ATP10B: variants seen among roughly 807,000 people sequenced by gnomAD.
ATP10B encodes phospholipid-transporting ATPase VB.
ATP10B carries 122 observed loss-of-function variants against 141.2 expected under a neutral mutation model. The observed-to-expected ratio is 0.86, with a 90% CI of 0.75 to 1.00. The LOEUF (loss-of-function observed/expected upper bound fraction) is 1.00. Among genes scored for constraint, ATP10B ranks in the 50% least tolerant of loss-of-function variants. The pLI is 0.00. For synonymous variants in ATP10B, 685 were observed against 692.0 expected (o/e 0.99, Z 0.16); for missense variants, 1,876 against 1,825.3 (o/e 1.03, Z -0.51).
chr5:160,829,477 G>T (rs1427894554), intron 1 of ATP10B, among the ~76,000 whole-genome samples: 1 of 151,946 alleles, frequency 6.6e-6, no homozygotes, highest in South Asian at 2.1e-4. Context: ...GTTTAGAATC[G>T]TTTTTTCCTA....
chr5:160,902,762 T>A, the ATP10B span, among the ~76,000 whole-genome samples: 1 of 152,212 alleles, frequency 6.6e-6, no homozygotes, highest in African/African-American at 2.4e-5. Context: ...ACATATTAGG[T>A]GCTTAACAAG....
intron 3 of ATP10B, among the ~76,000 whole-genome samples, chr5:160,695,162 G>A (rs1764288768): frequency 6.6e-6 from 1 of 152,174 alleles, no homozygotes; most frequent in Non-Finnish European, 1.5e-5. Flanking sequence ...AAAGGCAGGG[G>A]CAACTTCCTT....
intron 8 of ATP10B, among the ~76,000 whole-genome samples, chr5:160,648,192 A>G (rs559350991): frequency 6.6e-6 from 1 of 152,218 alleles, no homozygotes; most frequent in Non-Finnish European, 1.5e-5. Flanking sequence ...TACACATGAC[A>G]ATGTTCTCTA....
chr5:160,630,961 T>C (rs534615612), intron 13 of ATP10B, among the ~76,000 whole-genome samples: 12 of 152,192 alleles, frequency 7.9e-5, no homozygotes, highest in Non-Finnish European at 1.6e-4. Flanking sequence ...AGTAGCAATA[T>C]GGAAAATGTT....
intron 1 of ATP10B, among the ~76,000 whole-genome samples, chr5:160,814,750 C>A (rs1485051476): frequency 6.6e-6 from 1 of 152,072 alleles, no homozygotes; most frequent in Non-Finnish European, 1.5e-5. Flanking sequence ...GTCAGGTTAC[C>A]CATAAAGGAA....
At chr5:160,664,358 A>C (rs1762183016) in intron 7 of ATP10B, among the ~76,000 whole-genome samples, 1 of 152,198 alleles carries the variant, frequency 6.6e-6, no homozygotes, top group South Asian at 2.1e-4. Flanking sequence ...ATGCTCCTCT[A>C]AGTACCTTAA....
intron 6 of ATP10B, chr5:160,685,225 G>T: frequency 1.8e-6 from 1 of 570,824 alleles, no homozygotes; most frequent in South Asian, 2.3e-5. Context: ...TTTCATCTCT[G>T]CTCAATGTTG....
At chr5:160,638,151 T>A (rs2127671561) in intron 10 of ATP10B, among the ~76,000 whole-genome samples, 1 of 152,268 alleles carries the variant, frequency 6.6e-6, no homozygotes, top group South Asian at 2.1e-4. Context: ...ATTTGAGAGC[T>A]TTCATCTTCT....
upstream of ATP10B, among the ~76,000 whole-genome samples, chr5:160,856,914 A>G (rs1754013447): frequency 6.6e-6 from 1 of 151,840 alleles, no homozygotes; most frequent in East Asian, 1.9e-4. Context: ...TACCTGAAAT[A>G]GACTCCATTT....
the ATP10B span, among the ~76,000 whole-genome samples, chr5:160,919,234 A>AAAAAAAAAAAAAC: frequency 7.0e-6 from 1 of 143,718 alleles, no homozygotes; most frequent in Non-Finnish European, 1.5e-5. Flanking sequence ...AAAAAAAAAA[A>AAAAAAAAAAAAAC]AAAAAAAAAA....
At chr5:160,912,686 G>A in the ATP10B span, among the ~76,000 whole-genome samples, 37 of 147,862 alleles carry the variant, frequency 2.5e-4, no homozygotes, top group Admixed American at 4.1e-4. Context: ...AAGAAAAGGA[G>A]AAAAAAGAAA....
intron 2 of ATP10B, among the ~76,000 whole-genome samples, chr5:160,757,811 A>G (rs111910109): frequency 6.6e-6 from 1 of 152,292 alleles, no homozygotes; most frequent in African/African-American, 2.4e-5. Flanking sequence ...GGATTTCCCA[A>G]TCTTAGAACT....
At chr5:160,572,832 G>A (rs1474292706) in intron 24 of ATP10B, among the ~76,000 whole-genome samples, 1 of 152,148 alleles carries the variant, frequency 6.6e-6, no homozygotes, top group East Asian at 1.9e-4. Flanking sequence ...CCAACATTCA[G>A]CTTCATCGGT....
the ATP10B span, among the ~76,000 whole-genome samples, chr5:160,904,464 T>A: frequency 6.7e-6 from 1 of 150,164 alleles, no homozygotes; most frequent in Admixed American, 6.7e-5. Context: ...AATCTAAAGA[T>A]CTCTCTATAG....
At position 160,684,072 on chromosome 5, in the gene ATP10B, C is replaced by T. The variant is rs150508814; in HGVS notation, c.470+2007G>A. ...CCCTAAAAAATATTGCATCTCTGTG[C>T]TTAATAATATGAGCACTTACACAAG... On this transcript the variant is annotated intron_variant, in intron 6 of 25. Transcript: ENST00000327245. Among the ~76,000 whole-genome samples the T allele has an allele frequency of 2.0e-3, 305 of 152,302 alleles. 1 individual carries two copies. Among genetic ancestry groups the T allele is most frequent in the African/African-American group, 6.7e-3 (280 of 41,566 alleles).
At chr5:160,900,303 AAATT>A in the ATP10B span, among the ~76,000 whole-genome samples, 1 of 152,166 alleles carries the variant, frequency 6.6e-6, no homozygotes, top group South Asian at 2.1e-4. Context: ...TTTAAATATG[AAATT>A]AATATTTATT....
chr5:160,640,669 A>C, intron 9 of ATP10B, 77 bp from the exon 10 acceptor site: 113 of 1,537,146 alleles, frequency 7.4e-5, no homozygotes, highest in Non-Finnish European at 8.7e-5. Flanking sequence ...AGCTCTTCTC[A>C]CAGGAGCTTA....
intron 7 of ATP10B, among the ~76,000 whole-genome samples, chr5:160,662,594 T>C (rs1246153341): frequency 6.6e-6 from 1 of 152,238 alleles, no homozygotes; most frequent in East Asian, 1.9e-4. Flanking sequence ...GCTAGCCATA[T>C]GTAGAAAGCT....
intron 2 of ATP10B, among the ~76,000 whole-genome samples, chr5:160,781,701 C>T (rs991416748): frequency 2.6e-5 from 4 of 152,130 alleles, no homozygotes; most frequent in African/African-American, 4.8e-5. Flanking sequence ...ATTTTGCAAT[C>T]TATAGAATTC....
Sources: gnomAD v4.1 joint callset for allele counts (sites outside exome capture counted in the v4.1 genomes callset) on GRCh38, gnomAD v4.1.1 for gene constraint, MANE v1.5 for transcripts, NCBI Gene and HGNC (gene_info 2026-07-23, HGNC 2026-07-21) for gene names.